Variants in NXPE4 observed in about 807,000 individuals in gnomAD.
NXPE4 encodes the protein NXPE family member 4.
In NXPE4, 42 loss-of-function variants were observed where a neutral mutation model predicts 33.3. The ratio of observed to expected loss-of-function variants is 1.26; its 90% CI spans 0.98 to 1.63. NXPE4 has a LOEUF of 1.63. Ranked by LOEUF, NXPE4 falls within the 40% of genes most tolerant of loss-of-function variation. The probability of loss-of-function intolerance (pLI) is 0.00; values close to 1 mark genes in which losing one functional copy is unlikely to be tolerated. For synonymous variants in NXPE4, 253 were observed against 234.9 expected, an observed-to-expected ratio of 1.08 and a Z score of -0.71; for missense variants, 709 against 647.6, an observed-to-expected ratio of 1.09 and a Z score of -1.03.
the NXPE4 span, among the ~76,000 whole-genome samples, chr11:114,631,674 T>A: frequency 2.6e-5 from 4 of 151,076 alleles, no homozygotes; most frequent in African/African-American, 9.7e-5. Flanking sequence ...AAAGTATATA[T>A]ATAAAAAAAG....
intron 2 of NXPE4, among the ~76,000 whole-genome samples, chr11:114,590,589 T>A (rs530891851): frequency 6.6e-6 from 1 of 152,278 alleles, no homozygotes; most frequent in African/African-American, 2.4e-5. Flanking sequence ...TTACTTAAGG[T>A]ACCAGCCCTC....
chr11:114,580,455 GA>G, intron 4 of NXPE4, 117 bp from the exon 5 acceptor site: 2 of 767,632 alleles, frequency 2.6e-6, no homozygotes, highest in East Asian at 2.6e-5. Flanking sequence ...GGTAATGGTG[GA>G]AAAAGTATTA....
chr11:114,677,930 A>G, the NXPE4 span, among the ~76,000 whole-genome samples: 1 of 152,004 alleles, frequency 6.6e-6, no homozygotes, highest in African/African-American at 2.4e-5. Flanking sequence ...ACCTACATCC[A>G]CAGAATTTGC....
upstream of NXPE4, among the ~76,000 whole-genome samples, chr11:114,595,961 G>C (rs1290200440): frequency 6.6e-6 from 1 of 152,154 alleles, no homozygotes; most frequent in East Asian, 1.9e-4. Flanking sequence ...ATGAGAAAAA[G>C]AGTGTTTGAT....
chr11:114,625,111 C>T, the NXPE4 span, among the ~76,000 whole-genome samples: 54 of 152,228 alleles, frequency 3.5e-4, no homozygotes, highest in African/African-American at 1.3e-3. Flanking sequence ...ATAAGTATTG[C>T]CTCATGGGTA....
chr11:114,600,309 A>T (rs1313967863), upstream of NXPE4, among the ~76,000 whole-genome samples: 3 of 152,054 alleles, frequency 2.0e-5, no homozygotes, highest in African/African-American at 4.8e-5. Flanking sequence ...TAATTCAAAA[A>T]CTCATTTAAA....
the NXPE4 span, among the ~76,000 whole-genome samples, chr11:114,616,001 A>G: frequency 6.6e-6 from 1 of 150,880 alleles, no homozygotes; most frequent in African/African-American, 2.5e-5. Context: ...ACTGTGACCC[A>G]GTGGATAATA....
rs377626585 is a variant in NXPE4 at position 114,586,902 on chromosome 11, A to G, written c.97-3881T>C. ...AGGAAATGCCATAATGCCTGGGAAT[A>G]TAGCTCATGGGATTGCCGTTTTTGT... On this transcript the variant is annotated intron_variant, in intron 2 of 5. Coordinates refer to ENST00000375478, the MANE Select transcript of NXPE4 (RefSeq NM_001077639.2). 9.2e-5 allele frequency among the ~76,000 whole-genome samples: 14 copies of G among 152,294 alleles called. No individual in the cohort carries two copies. In the South Asian group the frequency reaches 1.2e-3, roughly 14 times the overall value.
chr11:114,585,010 G>A (rs1179410550), intron 2 of NXPE4, among the ~76,000 whole-genome samples: 1 of 152,092 alleles, frequency 6.6e-6, no homozygotes, highest in Non-Finnish European at 1.5e-5. Flanking sequence ...CTGCTTAGTA[G>A]CTTTGGAAAG....
At chr11:114,638,363 G>A in the NXPE4 span, among the ~76,000 whole-genome samples, 22 of 151,774 alleles carry the variant, frequency 1.4e-4, no homozygotes, top group East Asian at 5.8e-4. Flanking sequence ...TTATCCATTC[G>A]TCTAAATTTT....
At chr11:114,635,039 A>G in the NXPE4 span, among the ~76,000 whole-genome samples, 7 of 152,006 alleles carry the variant, frequency 4.6e-5, no homozygotes, top group South Asian at 6.2e-4. Context: ...CATTGAGTCT[A>G]TAAATTACCT....
At chr11:114,630,449 C>A in the NXPE4 span, among the ~76,000 whole-genome samples, 1 of 151,634 alleles carries the variant, frequency 6.6e-6, no homozygotes, top group Non-Finnish European at 1.5e-5. Context: ...ATAAATGGTG[C>A]TGGGAAAACT....
intron 5 of NXPE4, among the ~76,000 whole-genome samples, chr11:114,578,362 G>A (rs1273266112): frequency 6.6e-6 from 1 of 152,152 alleles, no homozygotes; most frequent in Non-Finnish European, 1.5e-5. Flanking sequence ...ATTAAAAGAT[G>A]AGTCGAAGAG....
In NXPE4 at chr11:114,571,162, T is replaced by C; in HGVS notation, c.1411A>G (p.Ile471Val). The change falls in exon 6 of 6, where the codon ATC (isoleucine) becomes GTC (valine). Residue 471 changes from isoleucine to valine, a missense_variant. Physicochemically the swap from Ile to Val is conservative, Grantham distance 29. Transcript: ENST00000375478. Reference protein sequence around the residue: ...LLLRSPDTMVIIKTENIREMY... With the variant: ...LLLRSPDTMVVIKTENIREMY... ...TCCCTGATGTTTTCTGTTTTGATGA[T>C]AACCATAGTGTCTGGGCTTCTCAGA... 7 of 1,614,042 alleles carry C rather than the reference T, an allele frequency of 4.3e-6. No homozygotes were observed. Among genetic ancestry groups the C allele is most frequent in the Non-Finnish European group, 5.9e-6 (7 of 1,179,944 alleles).
At chr11:114,618,394 G>T in the NXPE4 span, among the ~76,000 whole-genome samples, 1 of 151,964 alleles carries the variant, frequency 6.6e-6, no homozygotes, top group Admixed American at 6.6e-5. Flanking sequence ...TTACCCAGTG[G>T]ATAATAAGTA....
chr11:114,587,447 T>C (rs145987031), intron 2 of NXPE4, among the ~76,000 whole-genome samples: 1 of 152,336 alleles, frequency 6.6e-6, no homozygotes, highest in African/African-American at 2.4e-5. Flanking sequence ...CAAATGTAAC[T>C]GTAACGAAGT....
the NXPE4 span, among the ~76,000 whole-genome samples, chr11:114,644,905 G>A: frequency 2.8e-4 from 42 of 151,798 alleles, 1 homozygote; most frequent in African/African-American, 8.0e-4. Flanking sequence ...AATTAAAAGC[G>A]CAGAACTCAA....
the NXPE4 span, among the ~76,000 whole-genome samples, chr11:114,628,576 C>T: frequency 6.7e-6 from 1 of 149,438 alleles, no homozygotes; most frequent in African/African-American, 2.5e-5. Flanking sequence ...CAGGAAAGAT[C>T]CAAAATTGAC....
chr11:114,648,142 C>T, the NXPE4 span, among the ~76,000 whole-genome samples: 1 of 152,054 alleles, frequency 6.6e-6, no homozygotes, highest in Non-Finnish European at 1.5e-5. Flanking sequence ...AGTATCTTTG[C>T]CTATTTATAA....
Sources: allele counts gnomAD v4.1 joint callset (sites outside exome capture counted in the v4.1 genomes callset), GRCh38; gene constraint gnomAD v4.1.1; transcripts MANE v1.5; gene names NCBI Gene and HGNC (gene_info 2026-07-23, HGNC 2026-07-21).